The following SV2C variants were observed in gnomAD, a reference collection of about 807,000 sequenced individuals.
SV2C encodes the protein synaptic vesicle glycoprotein 2C, also known as solute carrier family 22 member B3.
In SV2C, 49 loss-of-function variants were observed where a neutral mutation model predicts 79.7. The observed-to-expected ratio is 0.61, with a 90% CI of 0.49 to 0.78. The LOEUF (loss-of-function observed/expected upper bound fraction) is 0.78. Among genes scored for constraint, SV2C ranks in the 30% least tolerant of loss-of-function variants. The probability of loss-of-function intolerance (pLI) is 0.00; values close to 1 mark genes in which losing one functional copy is unlikely to be tolerated. For missense variants in SV2C, 833 were observed against 912.9 expected, an observed-to-expected ratio of 0.91 and a Z score of 1.13; for synonymous variants, 334 against 333.2, an observed-to-expected ratio of 1.00 and a Z score of -0.03.
chr5:76,340,827 C>T (rs1749427492), intron 12 of SV2C, among the ~76,000 whole-genome samples: 1 of 151,968 alleles, frequency 6.6e-6, no homozygotes, highest in Admixed American at 6.6e-5. Flanking sequence ...CCAGGCTGGT[C>T]TCGAACTCCT....
chr5:76,280,911 T>C (rs1747166765), intron 4 of SV2C: 6 of 519,240 alleles, frequency 1.2e-5, no homozygotes, highest in Middle Eastern at 1.1e-3. Context: ...GTCTGCTGTG[T>C]TCCTGGTGCT....
chr5:76,297,461 G>A (rs960974892), intron 9 of SV2C, among the ~76,000 whole-genome samples: 8 of 152,078 alleles, frequency 5.3e-5, no homozygotes, highest in Non-Finnish European at 1.0e-4. Flanking sequence ...TCAACCTTTC[G>A]AATTGTGCAC....
At chr5:75,969,766 A>C in the SV2C span, among the ~76,000 whole-genome samples, 1 of 152,108 alleles carries the variant, frequency 6.6e-6, no homozygotes, top group Non-Finnish European at 1.5e-5. Flanking sequence ...CAGATCAACG[A>C]GACAGAAAAG....
chr5:76,288,804 A>T (rs537523485), intron 6 of SV2C, among the ~76,000 whole-genome samples: 1 of 152,320 alleles, frequency 6.6e-6, no homozygotes, highest in South Asian at 2.1e-4. Flanking sequence ...CTGCCATAAC[A>T]AATTTATCTT....
chr5:75,902,170 G>A, the SV2C span, among the ~76,000 whole-genome samples: 143 of 152,190 alleles, frequency 9.4e-4, no homozygotes, highest in South Asian at 1.7e-3. Flanking sequence ...GAAATCACCC[G>A]TCTTCTTTGT....
chr5:75,964,588 G>T, the SV2C span, among the ~76,000 whole-genome samples: 1 of 152,028 alleles, frequency 6.6e-6, no homozygotes, highest in Non-Finnish European at 1.5e-5. Flanking sequence ...TTATCTGTTG[G>T]ATCCAAGACT....
chr5:76,293,170 T>C (rs1747618415), intron 8 of SV2C, among the ~76,000 whole-genome samples: 2 of 152,150 alleles, frequency 1.3e-5, no homozygotes, highest in Middle Eastern at 3.2e-3. Context: ...ACTTAGAATA[T>C]GTAAAGTAAT....
chr5:76,286,898 C>T (rs1320463597), intron 6 of SV2C: 1 of 152,126 alleles, frequency 6.6e-6, no homozygotes, highest in Non-Finnish European at 1.5e-5. Flanking sequence ...GTAACTGTCC[C>T]CATGATTCAA....
the SV2C span, among the ~76,000 whole-genome samples, chr5:75,892,051 C>A: frequency 1.3e-5 from 2 of 152,038 alleles, no homozygotes; most frequent in Non-Finnish European, 2.9e-5. Flanking sequence ...AAAGTTAGAA[C>A]CTTTTTAACT....
chr5:76,078,792 G>A (rs1031420832), upstream of SV2C: 4 of 587,340 alleles, frequency 6.8e-6, no homozygotes, highest in African/African-American at 7.5e-5. Context: ...ACACCTGGCA[G>A]GTTAATGGCT....
the SV2C span, among the ~76,000 whole-genome samples, chr5:75,884,314 TG>T: frequency 6.6e-6 from 1 of 152,192 alleles, no homozygotes; most frequent in Non-Finnish European, 1.5e-5. Flanking sequence ...AATGCCATTT[TG>T]CTTGATTGCA....
At chr5:76,173,669 G>C (rs1487743471) in intron 2 of SV2C, 1 of 1,613,616 alleles carries the variant, frequency 6.2e-7, no homozygotes, top group Non-Finnish European at 8.5e-7. Context: ...AGCCTTCCCA[G>C]GCACTGGAGT....
At chr5:75,871,824 TATATATATATACACACACACACACAC>T in the SV2C span, among the ~76,000 whole-genome samples, 27 of 114,534 alleles carry the variant, frequency 2.4e-4, no homozygotes, top group Non-Finnish European at 1.8e-5. Context: ...TAAATATATA[TATATATATATACACACACACACACAC>T]ACACACACGT....
At chr5:75,857,300 G>C in the SV2C span, among the ~76,000 whole-genome samples, 1 of 151,996 alleles carries the variant, frequency 6.6e-6, no homozygotes, top group East Asian at 1.9e-4. Context: ...GTGAGAGATA[G>C]GGGCCTAGTG....
rs1327261949 is a variant in SV2C at position 76,330,831 on chromosome 5, ATC to A, written c.*5290_*5291del. 1 of 115,382 alleles carries A rather than the reference ATC, an allele frequency of 8.7e-6. No homozygotes were observed. Among genetic ancestry groups the A allele is most frequent in the African/African-American group, 3.3e-5 (1 of 30,356 alleles). The allele number at this position is 115,382 out of a possible 1,614,324, so 7.1% of individuals were successfully genotyped here. On this transcript the variant is annotated 3_prime_UTR_variant, in exon 13 of 13. Transcript: ENST00000502798. Reference sequence around the variant, plus strand: ...AAGAATCAGGAGCAGAGATAGCCCCATCTCTCTAGAGCATTTTTTTTTTTTTT... The same window carrying A: ...AAGAATCAGGAGCAGAGATAGCCCCATCTCTAGAGCATTTTTTTTTTTTTT...
chr5:75,950,737 A>G, the SV2C span, among the ~76,000 whole-genome samples: 1 of 151,932 alleles, frequency 6.6e-6, no homozygotes, highest in African/African-American at 2.4e-5. Context: ...TTACTGTTAA[A>G]TGTGGCTTAA....
intron 4 of SV2C, among the ~76,000 whole-genome samples, chr5:76,255,979 A>T (rs1746252180): frequency 6.6e-6 from 1 of 152,188 alleles, no homozygotes. Flanking sequence ...AAAATCAATA[A>T]AGGGGACAGA....
At chr5:76,133,555 C>T (rs757583947) in intron 2 of SV2C, among the ~76,000 whole-genome samples, 1 of 152,106 alleles carries the variant, frequency 6.6e-6, no homozygotes, top group Non-Finnish European at 1.5e-5. Context: ...ATGACCCACT[C>T]CTAGTATTTG....
intron 4 of SV2C, among the ~76,000 whole-genome samples, chr5:76,232,925 C>G (rs1286109793): frequency 1.4e-5 from 2 of 142,772 alleles, no homozygotes; most frequent in South Asian, 2.1e-4. Context: ...GATGCGGGCT[C>G]TTTTTTGGTT....
Sources: gnomAD v4.1 joint callset for allele counts (sites outside exome capture counted in the v4.1 genomes callset) on GRCh38, gnomAD v4.1.1 for gene constraint, MANE v1.5 for transcripts, NCBI Gene and HGNC (gene_info 2026-07-23, HGNC 2026-07-21) for gene names.